DPP10: variants seen among roughly 807,000 people sequenced by gnomAD.
The protein encoded by DPP10 is inactive dipeptidyl peptidase 10.
DPP10 carries 33 observed loss-of-function variants against 120.9 expected under a neutral mutation model. The observed-to-expected ratio is 0.27, with a 90% CI of 0.21 to 0.37. DPP10 has a LOEUF of 0.37. DPP10 is among the 10% of genes least tolerant of loss of function. The probability of loss-of-function intolerance (pLI) is 1.00; values close to 1 mark genes in which losing one functional copy is unlikely to be tolerated. For missense variants in DPP10, 816 were observed against 942.8 expected, an observed-to-expected ratio of 0.87 and a Z score of 1.76; for synonymous variants, 337 against 326.1, an observed-to-expected ratio of 1.03 and a Z score of -0.36.
chr2:115,366,770 A>C (rs2065103265), intron 3 of DPP10, among the ~76,000 whole-genome samples: 1 of 152,068 alleles, frequency 6.6e-6, no homozygotes, highest in Admixed American at 6.6e-5. Flanking sequence ...CTCAGTGTCT[A>C]ATCAAATTCC....
chr2:115,326,990 C>G (rs1457081952), intron 2 of DPP10, among the ~76,000 whole-genome samples: 1 of 152,020 alleles, frequency 6.6e-6, no homozygotes, highest in African/African-American at 2.4e-5. Context: ...ATTCACTCAC[C>G]ACTCACTTAC....
At position 115,831,688 on chromosome 2, in the gene DPP10, C is replaced by T. The variant is rs1167170248; in HGVS notation, c.1951-4469C>T. On this transcript the variant is annotated intron_variant, in intron 21 of 25. Transcript: ENST00000410059. Reference sequence around the variant, plus strand: ...AGATCCCACCTCTGCTTCTCCAAGTCCTTCTATCTATTGAATTTAGTTTCC... The same window carrying T: ...AGATCCCACCTCTGCTTCTCCAAGTTCTTCTATCTATTGAATTTAGTTTCC... Among the ~76,000 whole-genome samples the T allele has an allele frequency of 2.0e-5, 3 of 152,162 alleles. No homozygotes were observed. In the South Asian group the frequency reaches 6.2e-4, roughly 32 times the overall value.
chr2:115,789,271 T>C (rs1458994293), intron 17 of DPP10, among the ~76,000 whole-genome samples: 2 of 152,174 alleles, frequency 1.3e-5, no homozygotes, highest in East Asian at 3.9e-4. Flanking sequence ...CTAGCAATTA[T>C]AGAAAGTATG....
intron 3 of DPP10, among the ~76,000 whole-genome samples, chr2:115,352,551 A>G (rs1391184079): frequency 6.6e-6 from 1 of 152,186 alleles, no homozygotes; most frequent in Non-Finnish European, 1.5e-5. Context: ...ATATCCATCT[A>G]TCCTTTTATC....
At chr2:115,639,104 G>T (rs1037317051) in intron 5 of DPP10, among the ~76,000 whole-genome samples, 1 of 152,174 alleles carries the variant, frequency 6.6e-6, no homozygotes, top group African/African-American at 2.4e-5. Flanking sequence ...AGCAGGGCCA[G>T]CTACTGAAAA....
At chr2:115,625,736 C>T (rs1322203620) in intron 5 of DPP10, among the ~76,000 whole-genome samples, 2 of 152,064 alleles carry the variant, frequency 1.3e-5, no homozygotes, top group Admixed American at 6.6e-5. Context: ...GTTTTAAATT[C>T]CAGCATAGTT....
chr2:115,557,448 C>A (rs1003965296), intron 5 of DPP10, among the ~76,000 whole-genome samples: 4 of 152,136 alleles, frequency 2.6e-5, no homozygotes, highest in African/African-American at 9.7e-5. Context: ...AGAGTTTCTT[C>A]ATCAAGAACC....
chr2:115,199,883 T>C (rs184182766), intron 1 of DPP10, among the ~76,000 whole-genome samples: 149 of 152,250 alleles, frequency 9.8e-4, no homozygotes, highest in African/African-American at 3.3e-3. Flanking sequence ...TTCTGCTTGA[T>C]ACTTTTGAGA....
chr2:114,710,409 G>A (rs2105860710), intron 1 of DPP10, among the ~76,000 whole-genome samples: 1 of 152,264 alleles, frequency 6.6e-6, no homozygotes, highest in East Asian at 1.9e-4. Flanking sequence ...AACATTTCTG[G>A]AGCACCTACT....
rs1573497262 is a variant in DPP10 at position 115,069,415 on chromosome 2, A to G, written c.61-239824A>G. Reference sequence around the variant, plus strand: ...CTGCAGTTATACACTGAAGTTGCTTATTAGTTCTAACACTTTTTCAATAGA... The same window carrying G: ...CTGCAGTTATACACTGAAGTTGCTTGTTAGTTCTAACACTTTTTCAATAGA... On this transcript the variant is annotated intron_variant, in intron 1 of 25. Transcript: ENST00000410059. Among the ~76,000 whole-genome samples the G allele has an allele frequency of 3.3e-5, 5 of 152,142 alleles. No individual in the cohort carries two copies. The Middle Eastern group carries it at 0.014, about 414-fold the overall frequency.
intron 1 of DPP10, among the ~76,000 whole-genome samples, chr2:114,696,034 A>G (rs1700048327): frequency 6.6e-6 from 1 of 152,066 alleles, no homozygotes; most frequent in African/African-American, 2.4e-5. Flanking sequence ...TTTTCCCTTT[A>G]CAAACCAAGA....
chr2:114,548,602 G>A (rs187789915), intron 1 of DPP10, among the ~76,000 whole-genome samples: 2 of 152,302 alleles, frequency 1.3e-5, no homozygotes, highest in Admixed American at 6.5e-5. Context: ...GGAAATCTAG[G>A]TTGGTGGGTC....
intron 1 of DPP10, among the ~76,000 whole-genome samples, chr2:115,141,641 G>C (rs1010477336): frequency 6.6e-6 from 1 of 152,164 alleles, no homozygotes; most frequent in Non-Finnish European, 1.5e-5. Context: ...ATTAAATTCG[G>C]AAAAGAAATA....
chr2:115,293,645 C>T (rs1298197404), intron 1 of DPP10, among the ~76,000 whole-genome samples: 1 of 152,012 alleles, frequency 6.6e-6, no homozygotes, highest in East Asian at 1.9e-4. Context: ...GATTTAGTAA[C>T]ATAGAGCTTC....
intron 2 of DPP10, among the ~76,000 whole-genome samples, chr2:115,339,924 T>G (rs2063360482): frequency 6.6e-6 from 1 of 152,140 alleles, no homozygotes; most frequent in Non-Finnish European, 1.5e-5. Flanking sequence ...AGAATGCACG[T>G]GAATAAATGA....
chr2:114,891,055 A>G (rs1692500721), intron 1 of DPP10, among the ~76,000 whole-genome samples: 1 of 152,100 alleles, frequency 6.6e-6, no homozygotes, highest in Admixed American at 6.5e-5. Context: ...GCTACTATTT[A>G]AAATGAAAAC....
chr2:115,508,726 A>G (rs542420745), intron 4 of DPP10, among the ~76,000 whole-genome samples: 3 of 152,246 alleles, frequency 2.0e-5, no homozygotes, highest in African/African-American at 7.2e-5. Flanking sequence ...AACATGGCGA[A>G]ACCCCATCTC....
intron 3 of DPP10, among the ~76,000 whole-genome samples, chr2:115,360,880 G>A (rs935525201): frequency 1.3e-5 from 2 of 152,308 alleles, no homozygotes; most frequent in Admixed American, 6.5e-5. Flanking sequence ...AGGAAGGGCA[G>A]TGTTGCTGTG....
At chr2:115,542,819 C>T (rs376124914) in intron 5 of DPP10, among the ~76,000 whole-genome samples, 5 of 151,846 alleles carry the variant, frequency 3.3e-5, no homozygotes, top group African/African-American at 1.2e-4. Context: ...TTTCCCATGA[C>T]GTTACTTCTA....
Sources: allele counts gnomAD v4.1 joint callset (sites outside exome capture counted in the v4.1 genomes callset), GRCh38; gene constraint gnomAD v4.1.1; transcripts MANE v1.5; gene names NCBI Gene and HGNC (gene_info 2026-07-23, HGNC 2026-07-21).